Variants in KIFAP3 observed in about 807,000 individuals in gnomAD.
The protein encoded by KIFAP3 is kinesin-associated protein 3.
A neutral mutation model predicts 106.5 loss-of-function variants in KIFAP3; 68 were observed. The ratio of observed to expected loss-of-function variants is 0.64; its 90% confidence interval spans 0.53 to 0.78. The LOEUF (loss-of-function observed/expected upper bound fraction) is 0.78. KIFAP3 is among the 30% of genes least tolerant of loss of function. The pLI is 0.00. For missense variants in KIFAP3, 780 were observed against 941.8 expected (o/e 0.83, Z 2.25); for synonymous variants, 320 against 311.5 (o/e 1.03, Z -0.29).
At chr1:170,018,313 C>T (rs1195209751) in intron 9 of KIFAP3, among the ~76,000 whole-genome samples, 1 of 152,044 alleles carries the variant, frequency 6.6e-6, no homozygotes, top group African/African-American at 2.4e-5. Flanking sequence ...CTATCTGGCC[C>T]TTTGAAGAAA....
At chr1:170,059,750 C>A (rs371575708) in intron 1 of KIFAP3, among the ~76,000 whole-genome samples, 2 of 152,068 alleles carry the variant, frequency 1.3e-5, no homozygotes, top group Admixed American at 6.5e-5. Context: ...TGATGAACAT[C>A]GATGCAAAAA....
intron 3 of KIFAP3, among the ~76,000 whole-genome samples, chr1:170,045,389 C>T (rs1571723688): frequency 6.6e-6 from 1 of 152,102 alleles, no homozygotes; most frequent in African/African-American, 2.4e-5. Flanking sequence ...GTTTAGCTAA[C>T]CTTAAGGCTT....
intron 3 of KIFAP3, among the ~76,000 whole-genome samples, chr1:170,040,832 C>CTT (rs776420489): frequency 4.2e-5 from 6 of 142,850 alleles, no homozygotes; most frequent in South Asian, 2.2e-4. Context: ...TCTATTTTTG[C>CTT]TTTTTTTTTT....
chr1:169,947,545 G>T (rs1051590568), intron 19 of KIFAP3, among the ~76,000 whole-genome samples: 1 of 151,640 alleles, frequency 6.6e-6, no homozygotes, highest in Non-Finnish European at 1.5e-5. Context: ...ACAGTGACTT[G>T]CATTCAATGA....
chr1:170,020,118 T>C (rs1164613288), intron 9 of KIFAP3, among the ~76,000 whole-genome samples: 2 of 152,174 alleles, frequency 1.3e-5, no homozygotes, highest in Admixed American at 1.3e-4. Context: ...AAAATACATA[T>C]GCTAAACTAT....
chr1:169,944,525 G>A (rs1230204321), intron 19 of KIFAP3, among the ~76,000 whole-genome samples: 1 of 152,146 alleles, frequency 6.6e-6, no homozygotes, highest in African/African-American at 2.4e-5. Context: ...GAGTGGGGGC[G>A]ACGTGTTTCA....
intron 19 of KIFAP3, among the ~76,000 whole-genome samples, chr1:169,924,619 T>C (rs1403194437): frequency 5.3e-5 from 1 of 18,698 alleles, no homozygotes; most frequent in South Asian, 1.6e-3. Flanking sequence ...GTTTGTTTCT[T>C]TAAACTCTCA....
At chr1:169,937,903 G>C (rs1663898736) in intron 19 of KIFAP3, among the ~76,000 whole-genome samples, 1 of 151,812 alleles carries the variant, frequency 6.6e-6, no homozygotes, top group African/African-American at 2.4e-5. Context: ...TTCCAAGCAT[G>C]TTTTCTACTG....
At chr1:169,987,744 T>A (rs7514365) in intron 11 of KIFAP3, among the ~76,000 whole-genome samples, 5 of 152,100 alleles carry the variant, frequency 3.3e-5, no homozygotes, top group African/African-American at 1.2e-4. Flanking sequence ...TGTTCTAGGA[T>A]AAAATATTAA....
At chr1:170,001,148 G>T (rs998579892) in intron 10 of KIFAP3, among the ~76,000 whole-genome samples, 1 of 151,934 alleles carries the variant, frequency 6.6e-6, no homozygotes, top group African/African-American at 2.4e-5. Context: ...TATGTCTTCT[G>T]TAGAATTTTT....
chr1:169,929,766 A>G (rs908007452), intron 19 of KIFAP3, among the ~76,000 whole-genome samples: 14 of 151,988 alleles, frequency 9.2e-5, no homozygotes, highest in Non-Finnish European at 1.3e-4. Context: ...ATTTTTTTTC[A>G]AAAATCAAGG....
chr1:169,927,853 G>A (rs745556989), intron 19 of KIFAP3, among the ~76,000 whole-genome samples: 8 of 152,172 alleles, frequency 5.3e-5, no homozygotes, highest in Non-Finnish European at 8.8e-5. Context: ...AGATATTGAA[G>A]CTTTTCATAA....
At chr1:169,942,198 CAAACTTATGTTGAAACT>C (rs1372861250) in intron 19 of KIFAP3, among the ~76,000 whole-genome samples, 4 of 151,908 alleles carry the variant, frequency 2.6e-5, no homozygotes, top group African/African-American at 9.7e-5. Context: ...TCAGTAAGTA[CAAACTTATGTTGAAACT>C]AAACATACAA....
intron 11 of KIFAP3, 83 bp downstream of exon 11, chr1:169,992,072 G>C: frequency 1.7e-6 from 1 of 594,218 alleles, no homozygotes; most frequent in East Asian, 3.5e-5. Flanking sequence ...TTTTTAGAGA[G>C]AAAATCTTGA....
chr1:170,053,198 C>G (rs529349180), intron 2 of KIFAP3, among the ~76,000 whole-genome samples: 1 of 152,184 alleles, frequency 6.6e-6, no homozygotes, highest in South Asian at 2.1e-4. Flanking sequence ...TATACACCAA[C>G]AACAGATAAG....
intron 19 of KIFAP3, among the ~76,000 whole-genome samples, chr1:169,926,094 T>A (rs568432442): frequency 6.6e-6 from 1 of 152,312 alleles, no homozygotes; most frequent in African/African-American, 2.4e-5. Flanking sequence ...CACAACATCC[T>A]TGACAGGGTC....
intron 1 of KIFAP3, among the ~76,000 whole-genome samples, chr1:170,072,310 A>T (rs1026895148): frequency 2.0e-5 from 3 of 152,238 alleles, no homozygotes; most frequent in African/African-American, 7.2e-5. Context: ...GAAGTAAGAT[A>T]GACACATAGC....
chr1:170,078,038 G>A (rs896378786), upstream of KIFAP3, among the ~76,000 whole-genome samples: 1 of 152,010 alleles, frequency 6.6e-6, no homozygotes, highest in African/African-American at 2.4e-5. Context: ...GTGTTAGTTA[G>A]TATTCTTTAC....
At chr1:169,950,248 A>G (rs1225438106) in intron 19 of KIFAP3, among the ~76,000 whole-genome samples, 1 of 152,168 alleles carries the variant, frequency 6.6e-6, no homozygotes, top group African/African-American at 2.4e-5. Flanking sequence ...TTAAGAAAAC[A>G]GAGAATGAAA....
Sources: gnomAD v4.1 joint callset for allele counts (sites outside exome capture counted in the v4.1 genomes callset) on GRCh38, gnomAD v4.1.1 for gene constraint, MANE v1.5 for transcripts, NCBI Gene and HGNC (gene_info 2026-07-23, HGNC 2026-07-21) for gene names.